HS6ST3: variants seen among roughly 807,000 people sequenced by gnomAD.
The protein encoded by HS6ST3 is heparan-sulfate 6-O-sulfotransferase 3.
A neutral mutation model predicts 36.7 loss-of-function variants in HS6ST3; 12 were observed. The observed-to-expected ratio is 0.33, with a 90% CI of 0.21 to 0.53. The LOEUF is 0.53. Ranked by LOEUF, HS6ST3 falls within the 20% of genes least tolerant of loss-of-function variation. HS6ST3 has a pLI of 0.95. For missense variants in HS6ST3, 584 were observed against 640.9 expected (o/e 0.91, Z 0.96); for synonymous variants, 240 against 257.5 (o/e 0.93, Z 0.65).
chr13:96,559,914 G>T (rs1429249546), intron 1 of HS6ST3, among the ~76,000 whole-genome samples: 1 of 152,092 alleles, frequency 6.6e-6, no homozygotes, highest in Non-Finnish European at 1.5e-5. Context: ...GGTGATGGGG[G>T]CTTTGTTAAA....
intron 1 of HS6ST3, among the ~76,000 whole-genome samples, chr13:96,170,924 C>T (rs749101922): frequency 6.6e-6 from 1 of 152,224 alleles, no homozygotes; most frequent in Non-Finnish European, 1.5e-5. Context: ...AAAACACACG[C>T]GCACGTGCGC....
chr13:96,614,298 A>G (rs1412358594), intron 1 of HS6ST3, among the ~76,000 whole-genome samples: 1 of 20,072 alleles, frequency 5.0e-5, no homozygotes, highest in Non-Finnish European at 1.2e-4. Flanking sequence ...GATCCATCTC[A>G]AAAAAAAAAA....
At chr13:96,522,710 G>T (rs974871013) in intron 1 of HS6ST3, among the ~76,000 whole-genome samples, 1 of 151,246 alleles carries the variant, frequency 6.6e-6, no homozygotes, top group Admixed American at 6.6e-5. Flanking sequence ...CTTTCCATTT[G>T]CTTCATAGAT....
In HS6ST3 at chr13:96,286,733, C is replaced by G. The variant is rs552070532; in HGVS notation, c.707+195164C>G. Among the ~76,000 whole-genome samples the G allele has an allele frequency of 7.9e-5, 12 of 152,222 alleles. No individual in the cohort carries two copies. The South Asian group carries it at 1.7e-3, about 21-fold the overall frequency. The stretch of plus-strand genomic sequence containing the variant: ...GAGATATGCTTGTCTGTGCTTGGCT[C>G]TGTTACCCTGGGAGTTGATTTGAGA... On this transcript the variant is annotated intron_variant, in intron 1 of 1. Transcript: ENST00000376705.
chr13:96,731,808 A>G (rs1038340160), intron 1 of HS6ST3, among the ~76,000 whole-genome samples: 2 of 151,928 alleles, frequency 1.3e-5, no homozygotes, highest in African/African-American at 4.8e-5. Context: ...GGCATGCACC[A>G]CCACACCCAG....
At position 96,091,162 on chromosome 13, in the gene HS6ST3, G is replaced by C. The variant is rs1247316859; in HGVS notation, c.300G>C (p.Glu100Asp). 3 of 1,543,580 alleles carry C rather than the reference G, an allele frequency of 1.9e-6. No individual in the cohort carries two copies. The East Asian group carries it at 7.4e-5, about 38-fold the overall frequency. Residue 100 changes from glutamate to aspartate, a missense_variant, in exon 1 of 2, where the codon GAG becomes GAC. Glu to Asp is a conservative substitution (Grantham distance 45). Around this residue, in one of 3 missense-constraint regions of HS6ST3, gnomAD observed 217 missense variants for 205.4 expected, o/e 1.06. Coordinates refer to ENST00000376705, the MANE Select transcript of HS6ST3 (RefSeq NM_153456.4). ...EEDEEPGDPR[E>D]GEEEEEEDEP... ...ACGAGGAGCCCGGAGACCCCCGGGA[G>C]GGGGAGGAAGAGGAGGAGGAAGACG...
intron 1 of HS6ST3, among the ~76,000 whole-genome samples, chr13:96,556,572 CA>C (rs1327754318): frequency 6.6e-6 from 1 of 152,066 alleles, no homozygotes; most frequent in East Asian, 1.9e-4. Flanking sequence ...TTACATTTGT[CA>C]AGTGGAATTA....
intron 1 of HS6ST3, among the ~76,000 whole-genome samples, chr13:96,263,002 C>T (rs557250247): frequency 6.6e-6 from 1 of 152,138 alleles, no homozygotes; most frequent in Non-Finnish European, 1.5e-5. Flanking sequence ...CATAGGATTA[C>T]AATAGAAACC....
intron 1 of HS6ST3, among the ~76,000 whole-genome samples, chr13:96,091,984 G>C (rs1479878431): frequency 2.0e-5 from 3 of 152,152 alleles, no homozygotes; most frequent in Admixed American, 6.5e-5. Context: ...GAAAAGGAAG[G>C]GGGAGTAGAG....
At chr13:96,502,447 G>A (rs1172290841) in intron 1 of HS6ST3, among the ~76,000 whole-genome samples, 2 of 148,482 alleles carry the variant, frequency 1.3e-5, no homozygotes, top group African/African-American at 2.5e-5. Context: ...ATGGGTCAAA[G>A]TACTCCTGTC....
chr13:96,667,022 A>G (rs2138428404), intron 1 of HS6ST3, among the ~76,000 whole-genome samples: 1 of 152,274 alleles, frequency 6.6e-6, no homozygotes, highest in South Asian at 2.1e-4. Flanking sequence ...GCTAAGATAC[A>G]GTCTTTCAAG....
At chr13:96,624,916 G>A (rs2056507001) in intron 1 of HS6ST3, among the ~76,000 whole-genome samples, 1 of 152,110 alleles carries the variant, frequency 6.6e-6, no homozygotes, top group Non-Finnish European at 1.5e-5. Context: ...TTGAGCCAGT[G>A]TTTTGGTGCA....
chr13:96,325,591 T>C (rs1413428418), intron 1 of HS6ST3, among the ~76,000 whole-genome samples: 1 of 151,980 alleles, frequency 6.6e-6, no homozygotes, highest in African/African-American at 2.4e-5. Context: ...GTAGATTATA[T>C]GCAAATCCTA....
At chr13:96,606,621 G>GGGAGGGAGGGAGGGAGGGAA (rs2056440019) in intron 1 of HS6ST3, among the ~76,000 whole-genome samples, 1 of 139,450 alleles carries the variant, frequency 7.2e-6, no homozygotes, top group Non-Finnish European at 1.6e-5. Flanking sequence ...GAGGGAGGGA[G>GGGAGGGAGGGAGGGAGGGAA]GGAGGGAGGG....
intron 1 of HS6ST3, among the ~76,000 whole-genome samples, chr13:96,170,351 G>A (rs1730865704): frequency 6.6e-6 from 1 of 152,162 alleles, no homozygotes; most frequent in African/African-American, 2.4e-5. Flanking sequence ...GGTCATGCTA[G>A]GATTCGAATC....
chr13:96,691,693 C>A (rs562377851), intron 1 of HS6ST3, among the ~76,000 whole-genome samples: 3 of 151,556 alleles, frequency 2.0e-5, no homozygotes, highest in Non-Finnish European at 4.4e-5. Flanking sequence ...GTCTTTGAAA[C>A]AACCTGAACA....
intron 1 of HS6ST3, among the ~76,000 whole-genome samples, chr13:96,667,243 A>C (rs1353255362): frequency 1.3e-5 from 2 of 152,202 alleles, no homozygotes; most frequent in Non-Finnish European, 2.9e-5. Context: ...TAGATTTTCT[A>C]TTCTCTTAAT....
rs1178911231 is a variant in HS6ST3, at chr13:96,110,357, C to T, written c.707+18788C>T. On this transcript the variant is annotated intron_variant, in intron 1 of 1. Coordinates refer to ENST00000376705, the MANE Select transcript of HS6ST3 (RefSeq NM_153456.4). ...CACCAAGCCCTTCATGAGGGACCCA[C>T]CCCCATGACCCAAACACCCCCCTCC... 4.0e-5 allele frequency among the ~76,000 whole-genome samples: 6 copies of T among 151,838 alleles called. No individual in the cohort carries two copies. The East Asian group carries it at 7.8e-4, about 20-fold the overall frequency.
At chr13:96,123,208 CCTCTT>C (rs1425585311) in intron 1 of HS6ST3, among the ~76,000 whole-genome samples, 2 of 152,236 alleles carry the variant, frequency 1.3e-5, no homozygotes, top group African/African-American at 2.4e-5. Flanking sequence ...ATGAATTTTG[CCTCTT>C]CTCTTAAGCT....
Sources: gnomAD v4.1 joint callset for allele counts (sites outside exome capture counted in the v4.1 genomes callset) on GRCh38, gnomAD v4.1.1 for gene constraint, gnomAD v4.1.1 regional missense constraint, MANE v1.5 for transcripts, NCBI Gene and HGNC (gene_info 2026-07-23, HGNC 2026-07-21) for gene names.